Variants in ASB3 observed in about 807,000 individuals in gnomAD.
ASB3 encodes ankyrin repeat and SOCS box containing 3.
ASB3 carries 41 observed loss-of-function variants against 54.5 expected under a neutral mutation model. That is an observed-to-expected ratio of 0.75 (90% CI 0.59 to 0.98). The LOEUF is 0.98. Ranked by LOEUF, ASB3 falls within the 50% of genes least tolerant of loss-of-function variation. ASB3 has a pLI of 0.00. For synonymous variants in ASB3, 266 were observed against 221.2 expected (o/e 1.20, Z -1.80); for missense variants, 733 against 620.0 (o/e 1.18, Z -1.94).
intron 5 of ASB3, 46 bp from the exon 6 acceptor site, chr2:53,716,789 A>G: frequency 1.3e-6 from 2 of 1,521,452 alleles, no homozygotes; most frequent in Non-Finnish European, 1.8e-6. Flanking sequence ...CTAATACTTA[A>G]AAAAATCAAC....
intron 1 of ASB3, among the ~76,000 whole-genome samples, chr2:53,777,514 C>A (rs1339221476): frequency 6.6e-6 from 1 of 152,190 alleles, no homozygotes; most frequent in Non-Finnish European, 1.5e-5. Context: ...CTTCCAATCT[C>A]CAGCCTACTC....
At chr2:53,762,170 A>ACT (rs955082105) in intron 2 of ASB3, among the ~76,000 whole-genome samples, 13 of 135,476 alleles carry the variant, frequency 9.6e-5, no homozygotes, top group Admixed American at 5.8e-4. Context: ...AAGTGATCTA[A>ACT]CTGTGTGTGT....
intron 9 of ASB3, among the ~76,000 whole-genome samples, chr2:53,671,378 G>GTGTC (rs1253527190): frequency 6.6e-6 from 1 of 151,790 alleles, no homozygotes; most frequent in African/African-American, 2.4e-5. Context: ...GTGTGTGTGT[G>GTGTC]TGTGTGTGTG....
intron 9 of ASB3, among the ~76,000 whole-genome samples, chr2:53,686,421 T>TG (rs1290900911): frequency 6.6e-6 from 1 of 152,176 alleles, no homozygotes; most frequent in African/African-American, 2.4e-5. Flanking sequence ...TTTTATATAT[T>TG]GGTCACCTTT....
intron 7 of ASB3, among the ~76,000 whole-genome samples, chr2:53,712,951 A>C (rs953973632): frequency 6.6e-6 from 1 of 152,246 alleles, no homozygotes; most frequent in African/African-American, 2.4e-5. Context: ...TTAACGGGGT[A>C]CACAAGAAAA....
intron 1 of ASB3, among the ~76,000 whole-genome samples, chr2:53,786,054 C>A (rs1404473326): frequency 6.6e-6 from 1 of 152,122 alleles, no homozygotes. Flanking sequence ...GTGGGGGCGA[C>A]CAGTCTTTAA....
intron 1 of ASB3, among the ~76,000 whole-genome samples, chr2:53,778,717 C>G (rs1674489256): frequency 6.6e-6 from 1 of 152,172 alleles, no homozygotes; most frequent in Admixed American, 6.5e-5. Context: ...GACAAAGTTT[C>G]TTTCATTTTT....
At chr2:53,697,348 A>AT (rs999315900) in intron 8 of ASB3, among the ~76,000 whole-genome samples, 3 of 152,206 alleles carry the variant, frequency 2.0e-5, no homozygotes, top group African/African-American at 7.2e-5. Flanking sequence ...AGAAGTAACA[A>AT]TAAGTATAAG....
rs541925571 is a variant in ASB3 at position 53,684,003 on chromosome 2, G to C, written c.1369+9881C>G. Among the ~76,000 whole-genome samples, 9 of 151,914 alleles carry C rather than the reference G, an allele frequency of 5.9e-5. 1 individual carries two copies. The East Asian group carries it at 1.7e-3, about 29-fold the overall frequency. Reference sequence around the variant, plus strand: ...TTTTCTTCTAGTAATTTTGCGTTTGGTTTGCTCTGGCTTTTCTAGTTCTTT... The same window carrying C: ...TTTTCTTCTAGTAATTTTGCGTTTGCTTTGCTCTGGCTTTTCTAGTTCTTT... On this transcript the variant is annotated intron_variant, in intron 9 of 9. Transcript: ENST00000263634.
chr2:53,754,430 A>G (rs1021046399), intron 2 of ASB3, among the ~76,000 whole-genome samples: 1 of 152,226 alleles, frequency 6.6e-6, no homozygotes, highest in Non-Finnish European at 1.5e-5. Context: ...GTGTGATTAT[A>G]TATGAAGTAA....
intron 3 of ASB3, among the ~76,000 whole-genome samples, chr2:53,743,089 C>G (rs1380478404): frequency 2.0e-5 from 3 of 151,342 alleles, no homozygotes; most frequent in African/African-American, 7.3e-5. Flanking sequence ...GGATGTAATT[C>G]AAGGATTTTG....
chr2:53,772,054 A>C, intron 1 of ASB3: 1 of 654,220 alleles, frequency 1.5e-6, no homozygotes, highest in Non-Finnish European at 2.6e-6. Context: ...CCCTAAATTT[A>C]GAATTCTTCT....
intron 7 of ASB3, among the ~76,000 whole-genome samples, chr2:53,705,263 G>C (rs1669706978): frequency 1.3e-5 from 2 of 152,022 alleles, no homozygotes; most frequent in South Asian, 4.1e-4. Context: ...GAATATATTG[G>C]TTCAATTACA....
intron 3 of ASB3, among the ~76,000 whole-genome samples, chr2:53,730,977 G>A (rs1671274164): frequency 6.6e-6 from 1 of 152,154 alleles, no homozygotes; most frequent in South Asian, 2.1e-4. Flanking sequence ...ATCCTTAAAA[G>A]TGTAAAACAA....
At chr2:53,686,963 G>A (rs1051790417) in intron 9 of ASB3, among the ~76,000 whole-genome samples, 1 of 152,106 alleles carries the variant, frequency 6.6e-6, no homozygotes, top group South Asian at 2.1e-4. Context: ...CAGGTGATCC[G>A]CCTGCCTTGG....
intron 1 of ASB3, among the ~76,000 whole-genome samples, chr2:53,779,959 G>T (rs548925269): frequency 1.3e-5 from 2 of 152,258 alleles, no homozygotes; most frequent in African/African-American, 2.4e-5. Flanking sequence ...GGCTTTTTGT[G>T]ATAAGGCTTA....
intron 5 of ASB3, among the ~76,000 whole-genome samples, chr2:53,727,368 T>A (rs1176685390): frequency 6.6e-6 from 1 of 152,070 alleles, no homozygotes; most frequent in African/African-American, 2.4e-5. Flanking sequence ...ATAAACTGGA[T>A]TATTGGGCAG....
At position 53,769,182 on chromosome 2, in the gene ASB3, C is replaced by T. The variant is rs190526313; in HGVS notation, c.-13-3597G>A. Among the ~76,000 whole-genome samples the T allele has an allele frequency of 1.1e-4, 17 of 152,310 alleles. No individual in the cohort carries two copies. The East Asian group carries it at 3.1e-3, about 28-fold the overall frequency. ...GAATGTTCTAGAACAATATTCAAGA[C>T]ATTAAAGAACTAAGCTAAATTAAAT... On this transcript the variant is annotated intron_variant, in intron 1 of 9. Coordinates refer to ENST00000263634, the MANE Select transcript of ASB3 (RefSeq NM_016115.5).
chr2:53,755,613 TAAGAA>T (rs1471630447), intron 2 of ASB3, among the ~76,000 whole-genome samples: 2 of 152,198 alleles, frequency 1.3e-5, no homozygotes, highest in African/African-American at 4.8e-5. Flanking sequence ...TTAGGTATTA[TAAGAA>T]AAGGTTATAT....
Sources: allele counts gnomAD v4.1 joint callset (sites outside exome capture counted in the v4.1 genomes callset), GRCh38; gene constraint gnomAD v4.1.1; transcripts MANE v1.5; gene names NCBI Gene and HGNC (gene_info 2026-07-23, HGNC 2026-07-21).